Variants in FOXP1 observed in about 807,000 individuals in gnomAD.
FOXP1 encodes the protein forkhead box protein P1.
A neutral mutation model predicts 98.2 loss-of-function variants in FOXP1; 15 were observed. That is an observed-to-expected ratio of 0.15 (90% CI 0.10 to 0.24). The LOEUF is 0.24. FOXP1 is among the 10% of genes least tolerant of loss of function. FOXP1 has a pLI of 1.00. For synonymous variants in FOXP1, 371 were observed against 314.5 expected (o/e 1.18, Z -1.90); for missense variants, 633 against 848.5 (o/e 0.75, Z 3.15).
chr3:71,456,241 C>A (rs574474419), intron 3 of FOXP1, among the ~76,000 whole-genome samples: 1 of 151,854 alleles, frequency 6.6e-6, no homozygotes, highest in African/African-American at 2.4e-5. Flanking sequence ...GGGCAGCAGG[C>A]ACAACAGAGA....
chr3:71,556,819 G>C (rs2046178094), intron 2 of FOXP1, among the ~76,000 whole-genome samples: 1 of 151,922 alleles, frequency 6.6e-6, no homozygotes, highest in Non-Finnish European at 1.5e-5. Context: ...CATCAGAGAT[G>C]CTAATAAATG....
At chr3:71,328,538 T>C (rs910453693) in intron 4 of FOXP1, among the ~76,000 whole-genome samples, 1 of 152,236 alleles carries the variant, frequency 6.6e-6, no homozygotes, top group South Asian at 2.1e-4. Flanking sequence ...GTGACTTTTC[T>C]GGGCTTCCTT....
At chr3:71,119,635 C>G (rs1235862632) in intron 6 of FOXP1, among the ~76,000 whole-genome samples, 1 of 152,088 alleles carries the variant, frequency 6.6e-6, no homozygotes, top group Non-Finnish European at 1.5e-5. Flanking sequence ...AGTTTGCTAT[C>G]TTTGTTCAAC....
At chr3:71,109,878 A>C (rs947277442) in intron 7 of FOXP1, among the ~76,000 whole-genome samples, 1 of 152,118 alleles carries the variant, frequency 6.6e-6, no homozygotes, top group African/African-American at 2.4e-5. Flanking sequence ...CCAACCTTTT[A>C]GATTTATTTC....
chr3:71,237,957 T>C lies in FOXP1; in HGVS notation c.-11-39565A>G, dbSNP rs530462983. On this transcript the variant is annotated intron_variant, in intron 5 of 20. Transcript: ENST00000649528. ...AGAGAAGGTGGCTCCCTGCCAGGAATTGACGTTATACTAAAAGACTGAGAA... is the reference window on the plus strand; with the variant it reads ...AGAGAAGGTGGCTCCCTGCCAGGAACTGACGTTATACTAAAAGACTGAGAA... Among the ~76,000 whole-genome samples, 73 of 152,324 alleles carry C rather than the reference T, an allele frequency of 4.8e-4. 2 individuals are homozygous for C. In the South Asian group the frequency reaches 0.014, roughly 30 times the overall value.
intron 2 of FOXP1, among the ~76,000 whole-genome samples, chr3:71,519,151 C>G (rs952248088): frequency 1.3e-5 from 2 of 152,160 alleles, no homozygotes; most frequent in African/African-American, 4.8e-5. Flanking sequence ...AAGGCCGAGG[C>G]AGGAGAATCA....
intron 4 of FOXP1, among the ~76,000 whole-genome samples, 161 bp downstream of exon 4, chr3:71,358,989 G>T (rs1466280850): frequency 1.3e-5 from 2 of 152,174 alleles, no homozygotes; most frequent in Admixed American, 6.5e-5. Context: ...GCTATCATGG[G>T]GGGTAGCAGC....
At chr3:71,431,319 G>A (rs1369558110) in intron 3 of FOXP1, among the ~76,000 whole-genome samples, 2 of 152,150 alleles carry the variant, frequency 1.3e-5, no homozygotes, top group Admixed American at 6.5e-5. Context: ...AGAATAAGTG[G>A]CAATGTGTGA....
At chr3:71,208,535 T>TG (rs1176963134) in intron 5 of FOXP1, among the ~76,000 whole-genome samples, 6 of 90,968 alleles carry the variant, frequency 6.6e-5, no homozygotes, top group Non-Finnish European at 1.3e-4. Context: ...AGCATTTAAG[T>TG]TTGTGTGTGT....
At chr3:71,010,773 T>G (rs541024306) in intron 12 of FOXP1, among the ~76,000 whole-genome samples, 1 of 152,116 alleles carries the variant, frequency 6.6e-6, no homozygotes, top group Non-Finnish European at 1.5e-5. Flanking sequence ...TCAGGATCTA[T>G]GAATCCAGCA....
chr3:71,195,127 A>G (rs2063222707), intron 6 of FOXP1, among the ~76,000 whole-genome samples: 1 of 152,100 alleles, frequency 6.6e-6, no homozygotes, highest in Admixed American at 6.5e-5. Context: ...AGATATTCTA[A>G]TTTTTCAAAA....
chr3:71,525,776 T>G (rs1334362881), intron 2 of FOXP1, among the ~76,000 whole-genome samples: 2 of 151,430 alleles, frequency 1.3e-5, no homozygotes, highest in African/African-American at 4.9e-5. Context: ...ATGATTCACG[T>G]TTTTTTTTAA....
chr3:70,974,437 A>G (rs2037060205), intron 17 of FOXP1, among the ~76,000 whole-genome samples: 1 of 152,060 alleles, frequency 6.6e-6, no homozygotes, highest in Non-Finnish European at 1.5e-5. Context: ...AGTTGGGACT[A>G]GAGACATGTG....
intron 7 of FOXP1, among the ~76,000 whole-genome samples, chr3:71,092,539 G>A (rs1315640111): frequency 1.3e-5 from 2 of 152,168 alleles, no homozygotes; most frequent in African/African-American, 2.4e-5. Context: ...CTGTGGAACC[G>A]AAGCAAACCT....
At chr3:71,345,421 C>T (rs199600146) in intron 4 of FOXP1, among the ~76,000 whole-genome samples, 3 of 151,446 alleles carry the variant, frequency 2.0e-5, no homozygotes, top group South Asian at 2.1e-4. Flanking sequence ...CACACACACA[C>T]ACACACACAC....
chr3:70,977,741 C>G lies in FOXP1; in HGVS notation c.1349-19G>C. ...ATATCTGCTGAATAAGAATCATTGT[C>G]CTATTAATTATCACTTTTTCAAAAG... On this transcript the variant is annotated intron_variant, in intron 15 of 20. Transcript: ENST00000649528. 1 of 1,613,312 alleles carries G rather than the reference C, an allele frequency of 6.2e-7. No individual in the cohort carries two copies. The highest frequency in any genetic ancestry group is 8.5e-7 in the Non-Finnish European group (1 of 1,179,262).
intron 3 of FOXP1, among the ~76,000 whole-genome samples, chr3:71,384,790 C>A (rs1314500197): frequency 6.6e-6 from 1 of 152,170 alleles, no homozygotes; most frequent in Non-Finnish European, 1.5e-5. Flanking sequence ...TTCCAAATAA[C>A]TCTAACCATT....
chr3:71,006,768 T>C (rs755047890), intron 12 of FOXP1, among the ~76,000 whole-genome samples: 8 of 152,150 alleles, frequency 5.3e-5, no homozygotes, highest in African/African-American at 1.9e-4. Flanking sequence ...ATGTACCGCA[T>C]GCACATATGC....
At chr3:71,438,995 G>A (rs561961564) in intron 3 of FOXP1, among the ~76,000 whole-genome samples, 2 of 148,238 alleles carry the variant, frequency 1.3e-5, no homozygotes, top group African/African-American at 2.4e-5. Context: ...GCTACAACCC[G>A]CTCTCCAAGG....
Sources: allele counts gnomAD v4.1 joint callset (sites outside exome capture counted in the v4.1 genomes callset), GRCh38; gene constraint gnomAD v4.1.1; transcripts MANE v1.5; gene names NCBI Gene and HGNC (gene_info 2026-07-23, HGNC 2026-07-21).